Variants in PWWP2B observed in about 807,000 individuals in gnomAD.
PWWP2B encodes the protein PWWP domain-containing protein 2B.
PWWP2B carries 9 observed loss-of-function variants against 15.5 expected under a neutral mutation model. The ratio of observed to expected loss-of-function variants is 0.58; its 90% confidence interval spans 0.35 to 1.02. The LOEUF (loss-of-function observed/expected upper bound fraction) is 1.02, where lower values mean the gene tolerates loss of function less well. Ranked by LOEUF, PWWP2B falls within the 50% of genes least tolerant of loss-of-function variation. The pLI, the probability that PWWP2B is intolerant of heterozygous loss-of-function variation, is 0.02. For synonymous variants in PWWP2B, 474 were observed against 403.6 expected, an observed-to-expected ratio of 1.17 and a Z score of -2.09; for missense variants, 864 against 865.3, an observed-to-expected ratio of 1.00 and a Z score of 0.02.
chr10:132,409,118 G>C (rs538177252), intron 2 of PWWP2B, among the ~76,000 whole-genome samples: 1 of 152,330 alleles, frequency 6.6e-6, no homozygotes, highest in East Asian at 1.9e-4. Flanking sequence ...TTTGTTCACC[G>C]CTCCCAGGGT....
intron 2 of PWWP2B, among the ~76,000 whole-genome samples, chr10:132,413,772 T>C (rs952367210): frequency 4.6e-5 from 7 of 152,190 alleles, no homozygotes; most frequent in African/African-American, 1.7e-4. Context: ...CCCAACTCCC[T>C]GGGGGGACTC....
At chr10:132,414,876 C>T (rs1250198850) in intron 2 of PWWP2B, among the ~76,000 whole-genome samples, 5 of 152,142 alleles carry the variant, frequency 3.3e-5, no homozygotes, top group Admixed American at 2.0e-4. Flanking sequence ...ACTGTTGGTA[C>T]CCCCGGCAGG....
At chr10:132,398,470 G>A (rs573769939) in intron 1 of PWWP2B, among the ~76,000 whole-genome samples, 1 of 152,216 alleles carries the variant, frequency 6.6e-6, no homozygotes, top group Non-Finnish European at 1.5e-5. Context: ...TTCCTCTGGC[G>A]GGCAGGGTTG....
rs369979581 is a variant in PWWP2B, at chr10:132,406,040, G to A, written c.1540G>A (p.Gly514Ser). ...WPARVLDISL[G>S]QKEDGEPSWR... ...GGCGCGTGTTCTTGACATCAGTCTC[G>A]GCCAGAAGGAGGACGGAGAGCCGTC... Residue 514 changes from glycine (G) to serine (S), a missense_variant, in exon 2 of 3, where the codon GGC becomes AGC. Physicochemically the swap from Gly to Ser is moderately conservative, Grantham distance 56 (BLOSUM62 0). Coordinates refer to ENST00000305233, the MANE Select transcript of PWWP2B (RefSeq NM_138499.4). 1.3e-5 allele frequency: 21 copies of A among 1,613,622 alleles called. No individual in the cohort carries two copies. Among genetic ancestry groups the A allele is most frequent in the Non-Finnish European group, 1.5e-5 (18 of 1,179,966 alleles).
At chr10:132,401,315 T>A (rs191448191) in intron 1 of PWWP2B, among the ~76,000 whole-genome samples, 2 of 152,344 alleles carry the variant, frequency 1.3e-5, no homozygotes, top group African/African-American at 4.8e-5. Flanking sequence ...GCAAAGGTTA[T>A]TTGTTCTGTC....
At chr10:132,398,260 A>AT (rs1391356007) in intron 1 of PWWP2B, among the ~76,000 whole-genome samples, 15 of 152,222 alleles carry the variant, frequency 9.9e-5, no homozygotes, top group African/African-American at 3.6e-4. Context: ...TTCCACAATT[A>AT]TTTCGCAGAC....
intron 2 of PWWP2B, among the ~76,000 whole-genome samples, chr10:132,412,758 G>A (rs902208138): frequency 1.6e-4 from 25 of 152,192 alleles, no homozygotes; most frequent in South Asian, 2.1e-4. Context: ...GCCACCCCCC[G>A]CTTGCAGAGA....
rs1564878936 is a variant in PWWP2B, at chr10:132,415,701, T to TCACACACATTCACACAAACACACATACA, written c.*17-1351_*17-1350insTCACACAAACACACATACACACACACAT. Among the ~76,000 whole-genome samples the TCACACACATTCACACAAACACACATACA allele has an allele frequency of 1.2e-4, 15 of 126,916 alleles. 1 individual carries two copies. The highest frequency in any genetic ancestry group is 4.8e-4 in the African/African-American group (15 of 31,286). The allele number at this position is 126,916 out of a possible 152,430, so 83.3% of individuals were successfully genotyped here. A position where few individuals can be genotyped will look rare whatever the true frequency, so the allele number is the denominator to read the frequency against. ...CACATATCCACACACACATGCACTC[T>TCACACACATTCACACAAACACACATACA]CACACACATCCACTCACACACACAT... is the stretch of plus-strand genomic sequence containing the variant. On this transcript the variant is annotated intron_variant, in intron 2 of 2. Transcript: ENST00000305233.
intron 2 of PWWP2B, among the ~76,000 whole-genome samples, chr10:132,416,227 CGCCTTT>C (rs911670854): frequency 6.6e-6 from 1 of 152,190 alleles, no homozygotes; most frequent in African/African-American, 2.4e-5. Context: ...GCCCATGGGG[CGCCTTT>C]GTCCTGACAG....
chr10:132,413,170 T>G (rs1182016477), intron 2 of PWWP2B, among the ~76,000 whole-genome samples: 1 of 152,276 alleles, frequency 6.6e-6, no homozygotes, highest in African/African-American at 2.4e-5. Flanking sequence ...TTGTGTCTGA[T>G]GCCGGAAATC....
chr10:132,416,978 G>C, intron 2 of PWWP2B, 83 bp from the exon 3 acceptor site: 1 of 1,514,624 alleles, frequency 6.6e-7, no homozygotes, highest in South Asian at 1.1e-5. Context: ...GGGGCACCCT[G>C]ACCTGCTGCT....
chr10:132,401,526 A>C (rs1186044003), intron 1 of PWWP2B, among the ~76,000 whole-genome samples: 1 of 152,168 alleles, frequency 6.6e-6, no homozygotes, highest in Non-Finnish European at 1.5e-5. Flanking sequence ...CCACCTGCCA[A>C]GGCTCGGTGT....
intron 2 of PWWP2B, among the ~76,000 whole-genome samples, chr10:132,411,826 G>C (rs1008670127): frequency 1.3e-5 from 2 of 152,232 alleles, no homozygotes; most frequent in African/African-American, 4.8e-5. Flanking sequence ...TTTTAGAACA[G>C]CGTCCTTGAG....
At chr10:132,407,896 C>T in intron 2 of PWWP2B, among the ~76,000 whole-genome samples, 1 of 152,160 alleles carries the variant, frequency 6.6e-6, no homozygotes, top group Non-Finnish European at 1.5e-5. Context: ...CCTGGGGGGC[C>T]CTCCCCGAGT....
At position 132,417,839 on chromosome 10, in the gene PWWP2B, TAAAG is replaced by T. The variant is rs991062023; in HGVS notation, c.*803_*806del. 1.3e-5 allele frequency: 2 copies of T among 152,258 alleles called. No homozygotes were observed. The highest frequency in any genetic ancestry group is 6.5e-5 in the Admixed American group (1 of 15,288). 9.4% of individuals were successfully genotyped at this position (152,258 alleles called of 1,614,324 possible). On this transcript the variant is annotated 3_prime_UTR_variant, in exon 3 of 3. Coordinates refer to ENST00000305233, the MANE Select transcript of PWWP2B (RefSeq NM_138499.4). Reference sequence around the variant, plus strand: ...TTGTCACTTTAAAGACCAAAAAGAATAAAGAAAGAAAAGAAAAAAATTAATCTGC... The same window carrying T: ...TTGTCACTTTAAAGACCAAAAAGAATAAAGAAAAGAAAAAAATTAATCTGC...
intron 2 of PWWP2B, among the ~76,000 whole-genome samples, chr10:132,410,922 C>T (rs2069770644): frequency 6.6e-6 from 1 of 152,178 alleles, no homozygotes; most frequent in African/African-American, 2.4e-5. Flanking sequence ...AACCCTTTCC[C>T]CTCCTGCCCT....
chr10:132,403,467 C>T (rs183992034), intron 1 of PWWP2B, among the ~76,000 whole-genome samples: 15 of 152,306 alleles, frequency 9.8e-5, no homozygotes, highest in Admixed American at 2.0e-4. Flanking sequence ...CATCAGCGTT[C>T]GCAGAACTGT....
chr10:132,408,621 C>G (rs552368451), intron 2 of PWWP2B, among the ~76,000 whole-genome samples: 1 of 152,204 alleles, frequency 6.6e-6, no homozygotes, highest in African/African-American at 2.4e-5. Flanking sequence ...TGCAGCTGCC[C>G]GAGGATGAGG....
chr10:132,411,357 C>G (rs1311532389), intron 2 of PWWP2B, among the ~76,000 whole-genome samples: 5 of 152,254 alleles, frequency 3.3e-5, no homozygotes, highest in Non-Finnish European at 2.9e-5. Flanking sequence ...AATCACAACG[C>G]AAACACGATG....
Sources: gnomAD v4.1 joint callset for allele counts (sites outside exome capture counted in the v4.1 genomes callset) on GRCh38, gnomAD v4.1.1 for gene constraint, MANE v1.5 for transcripts, NCBI Gene and HGNC (gene_info 2026-07-23, HGNC 2026-07-21) for gene names.